ADAMTS9: variants seen among roughly 807,000 people sequenced by gnomAD.
The protein encoded by ADAMTS9 is ADAM metallopeptidase with thrombospondin type 1 motif 9, also known as A disintegrin and metalloproteinase with thrombospondin motifs 9.
In ADAMTS9, 107 loss-of-function variants were observed where a neutral mutation model predicts 257.1. The ratio of observed to expected loss-of-function variants is 0.42; its 90% CI spans 0.36 to 0.49. The LOEUF is 0.49. Ranked by LOEUF, ADAMTS9 falls within the 20% of genes least tolerant of loss-of-function variation. The pLI is 0.03. For synonymous variants in ADAMTS9, 982 were observed against 880.9 expected (o/e 1.11, Z -2.03); for missense variants, 2,353 against 2,469.1 (o/e 0.95, Z 1.00).
At chr3:64,678,549 C>T (rs185834588) in intron 3 of ADAMTS9, among the ~76,000 whole-genome samples, 69 of 152,252 alleles carry the variant, frequency 4.5e-4, no homozygotes, top group African/African-American at 1.3e-3. Context: ...GTATGAGGCT[C>T]CCAGAGTACT....
chr3:64,680,946 G>T (rs573095829), intron 3 of ADAMTS9, among the ~76,000 whole-genome samples: 2 of 152,094 alleles, frequency 1.3e-5, no homozygotes, highest in Non-Finnish European at 2.9e-5. Context: ...TCCCATAGAG[G>T]GCATGGAGTC....
At chr3:64,614,042 AC>A (rs2084715406) in intron 21 of ADAMTS9, among the ~76,000 whole-genome samples, 1 of 152,206 alleles carries the variant, frequency 6.6e-6, no homozygotes, top group African/African-American at 2.4e-5. Flanking sequence ...CTGTAGAAAA[AC>A]ATAAATGAAA....
intron 26 of ADAMTS9, among the ~76,000 whole-genome samples, chr3:64,597,836 C>T (rs1290889561): frequency 6.6e-6 from 1 of 152,128 alleles, no homozygotes; most frequent in Non-Finnish European, 1.5e-5. Context: ...TCCTTTACCC[C>T]GACCCTTGTA....
rs57471985 is a variant in ADAMTS9, at chr3:64,643,445, A to ATTTTTTTTTTTTTTT, written c.1711-1467_1711-1453dup. Among the ~76,000 whole-genome samples, 261 of 61,430 alleles carry ATTTTTTTTTTTTTTT rather than the reference A, an allele frequency of 4.2e-3. 33 individuals carry two copies. Among genetic ancestry groups the ATTTTTTTTTTTTTTT allele is most frequent in the African/African-American group, 5.5e-3 (79 of 14,270 alleles). The allele number at this position is 61,430 out of a possible 152,430, so 40.3% of individuals were successfully genotyped here. Reference sequence around the variant, plus strand: ...GTAGTCAACATAACATTACTCAATAATTTTTTTTTTTTTTTTTTTTTTTTT... The same window carrying ATTTTTTTTTTTTTTT: ...GTAGTCAACATAACATTACTCAATAATTTTTTTTTTTTTTTTTTTTTTTTTTTTTTTTTTTTTTTT... On this transcript the variant is annotated intron_variant, in intron 11 of 39. Transcript: ENST00000498707.
intron 2 of ADAMTS9, among the ~76,000 whole-genome samples, chr3:64,683,045 G>A (rs1204312407): frequency 6.6e-6 from 1 of 152,198 alleles, no homozygotes; most frequent in Non-Finnish European, 1.5e-5. Flanking sequence ...CAGCTCAGGT[G>A]TGGTCAGACT....
Position 64,568,530 on chromosome 3 carries a change from A to T in ADAMTS9, c.4362T>A (p.Ser1454=), listed in dbSNP as rs1161898293. 1.9e-6 allele frequency: 3 copies of T among 1,613,504 alleles called. No individual in the cohort carries two copies. The Admixed American group carries it at 5.0e-5, about 27-fold the overall frequency. ...AWSTGPWSSC[S]VSCGRGHKQR... Reference sequence around the variant, plus strand: ...GTTTATGCCCTCGACCACAAGAGACAGAACACTGCAATATAAAGCAATGGC... The same window carrying T: ...GTTTATGCCCTCGACCACAAGAGACTGAACACTGCAATATAAAGCAATGGC... The change falls in exon 29 of 40, where the codon TCT becomes TCA. Residue 1454 remains serine (S), a synonymous_variant. Coordinates refer to ENST00000498707, the MANE Select transcript of ADAMTS9 (RefSeq NM_182920.2).
At chr3:64,535,836 C>A (rs549616512) in intron 37 of ADAMTS9, among the ~76,000 whole-genome samples, 1 of 152,132 alleles carries the variant, frequency 6.6e-6, no homozygotes, top group East Asian at 1.9e-4. Context: ...ACCCACCGCA[C>A]CTGCCACCCC....
intron 12 of ADAMTS9, among the ~76,000 whole-genome samples, chr3:64,639,674 T>C (rs1293735506): frequency 6.6e-6 from 1 of 152,188 alleles, no homozygotes; most frequent in Non-Finnish European, 1.5e-5. Flanking sequence ...CATGATAGCA[T>C]TTACTATAAA....
intron 3 of ADAMTS9, among the ~76,000 whole-genome samples, chr3:64,673,172 CTA>C (rs1252926889): frequency 6.6e-6 from 1 of 151,536 alleles, no homozygotes; most frequent in Non-Finnish European, 1.5e-5. Flanking sequence ...CACACACACC[CTA>C]TGCATGACGG....
At position 64,550,986 on chromosome 3, in the gene ADAMTS9, C is replaced by T; in HGVS notation, c.4775G>A (p.Gly1592Glu). ...CCGCTTGCTCACGTCACAGCGTGCCCCATGCACCTCGTTTTTGTTGTCATC... is the reference window on the plus strand; with the variant it reads ...CCGCTTGCTCACGTCACAGCGTGCCTCATGCACCTCGTTTTTGTTGTCATC... The part of the protein sequence containing the change: ...CVDDNKNEVH[G>E]ARCDVSKRPV... The change falls in exon 31 of 40, where the codon GGG becomes GAG. Residue 1592 changes from glycine (G) to glutamate (E), a missense_variant. This residue lies in a region of ADAMTS9 where 1,402 missense variants were observed against 1,441.4 expected (regional missense o/e 0.97). Coordinates refer to ENST00000498707, the MANE Select transcript of ADAMTS9 (RefSeq NM_182920.2). 1 of 1,614,174 alleles carries T rather than the reference C, an allele frequency of 6.2e-7. No homozygotes were observed. The highest frequency in any genetic ancestry group is 8.5e-7 in the Non-Finnish European group (1 of 1,180,018).
chr3:64,560,806 C>A (rs965180380), intron 30 of ADAMTS9, among the ~76,000 whole-genome samples: 2 of 152,140 alleles, frequency 1.3e-5, no homozygotes, highest in Non-Finnish European at 2.9e-5. Context: ...TATCTCTGCA[C>A]CTCAAGCAGC....
intron 11 of ADAMTS9, among the ~76,000 whole-genome samples, chr3:64,646,382 C>A (rs998534224): frequency 6.6e-6 from 1 of 152,132 alleles, no homozygotes; most frequent in South Asian, 2.1e-4. Context: ...GCCATGGATT[C>A]TTTGACCAAA....
Position 64,516,895 on chromosome 3 carries a change from AAAT to A in ADAMTS9, c.*229_*231del, listed in dbSNP as rs2082781815. ...CATCACAATAAATAATTTCAAACAT[AAAT>A]ATTAAACTTTACATCATTAGGATAG... On this transcript the variant is annotated 3_prime_UTR_variant, in exon 40 of 40. Coordinates refer to ENST00000498707, the MANE Select transcript of ADAMTS9 (RefSeq NM_182920.2). 1 of 152,618 alleles carries A rather than the reference AAAT, an allele frequency of 6.6e-6. No individual in the cohort carries two copies. The highest frequency in any genetic ancestry group is 1.5e-5 in the Non-Finnish European group (1 of 68,036). 9.5% of individuals were successfully genotyped at this position (152,618 alleles called of 1,614,324 possible).
intron 16 of ADAMTS9, 126 bp from the exon 17 acceptor site, chr3:64,622,712 G>C: frequency 2.0e-6 from 2 of 1,021,770 alleles, no homozygotes; most frequent in South Asian, 1.6e-5. Flanking sequence ...AGGCAGACAG[G>C]CATGGCTTCA....
intron 2 of ADAMTS9, among the ~76,000 whole-genome samples, chr3:64,684,273 C>G (rs1264300258): frequency 1.3e-5 from 2 of 151,642 alleles, no homozygotes; most frequent in African/African-American, 4.8e-5. Flanking sequence ...AGACATCAGT[C>G]CTAAGGAGAG....
At chr3:64,621,093 C>T (rs374888096) in intron 19 of ADAMTS9, 21 bp downstream of exon 19, 1 of 1,595,822 alleles carries the variant, frequency 6.3e-7, no homozygotes, top group Non-Finnish European at 8.5e-7. Context: ...TAATAAAGGC[C>T]TTGAGAAAAC....
chr3:64,604,122 T>C, intron 24 of ADAMTS9, 33 bp from the exon 25 acceptor site: 14 of 1,612,172 alleles, frequency 8.7e-6, no homozygotes, highest in Non-Finnish European at 1.1e-5. Context: ...GCAGTTATAT[T>C]ACGTGGAATG....
Position 64,655,573 on chromosome 3 carries a change from T to C in ADAMTS9, c.1169+3A>G, listed in dbSNP as rs764097131. 1 of 1,607,812 alleles carries C rather than the reference T, an allele frequency of 6.2e-7. No homozygotes were observed. The highest frequency in any genetic ancestry group is 8.5e-7 in the Non-Finnish European group (1 of 1,174,336). On this transcript the variant is annotated splice_donor_region_variant and intron_variant, in intron 6 of 39. Coordinates refer to ENST00000498707, the MANE Select transcript of ADAMTS9 (RefSeq NM_182920.2). ...AGATCTGAGGAATAAGAAATCCATA[T>C]ACCTTGTTAAGAGAACAGCAGTATC...
At chr3:64,552,685 G>A (rs2083285174) in intron 30 of ADAMTS9, among the ~76,000 whole-genome samples, 1 of 150,976 alleles carries the variant, frequency 6.6e-6, no homozygotes, top group African/African-American at 2.4e-5. Flanking sequence ...TTAGTCCCAA[G>A]TAGCTGGGAC....
Sources: allele counts gnomAD v4.1 joint callset (sites outside exome capture counted in the v4.1 genomes callset), GRCh38; gene constraint gnomAD v4.1.1; regional missense constraint gnomAD v4.1.1; transcripts MANE v1.5; gene names NCBI Gene and HGNC (gene_info 2026-07-23, HGNC 2026-07-21).